TBC1D14: variants seen among roughly 807,000 people sequenced by gnomAD.
TBC1D14 encodes TBC1 domain family member 14.
In TBC1D14, 26 loss-of-function variants were observed where a neutral mutation model predicts 79.0. The observed-to-expected ratio is 0.33, with a 90% CI of 0.24 to 0.46. TBC1D14 has a LOEUF of 0.46. Among genes scored for constraint, TBC1D14 ranks in the 20% least tolerant of loss-of-function variants. TBC1D14 has a pLI of 1.00. For synonymous variants in TBC1D14, 394 were observed against 349.9 expected, an observed-to-expected ratio of 1.13 and a Z score of -1.40; for missense variants, 769 against 887.6, an observed-to-expected ratio of 0.87 and a Z score of 1.70.
rs1051368268 is a variant in TBC1D14, at chr4:6,974,916, G to T, written c.843+7492G>T. On this transcript the variant is annotated intron_variant, in intron 3 of 13. Coordinates refer to ENST00000409757, the MANE Select transcript of TBC1D14 (RefSeq NM_020773.3). ...TTGTTTGTTTGTTTGTTTTTGTTTT[G>T]TTTTGTTTTGTTTGAGATGGAGTCT... Among the ~76,000 whole-genome samples the T allele has an allele frequency of 5.3e-5, 8 of 151,916 alleles. 1 individual carries two copies. Among genetic ancestry groups the T allele is most frequent in the East Asian group, 3.9e-4 (2 of 5,170 alleles).
chr4:6,933,591 A>T (rs1712004690), intron 2 of TBC1D14, among the ~76,000 whole-genome samples: 1 of 151,636 alleles, frequency 6.6e-6, no homozygotes, highest in Non-Finnish European at 1.5e-5. Context: ...AGCCACCATG[A>T]CCCACTGTGC....
At chr4:6,922,763 C>A (rs77982785) in intron 1 of TBC1D14, among the ~76,000 whole-genome samples, 45 of 152,104 alleles carry the variant, frequency 3.0e-4, no homozygotes, top group Non-Finnish European at 4.4e-5. Context: ...CCGCCGCCCC[C>A]CAAGCCCAGT....
In TBC1D14 at chr4:7,032,827, G is replaced by C. The variant is rs1577208144; in HGVS notation, c.*2435G>C. ...TGACTCTCACAGTCTAAGACTTCAG[G>C]GCCGGGACCTTTGTCCAGCCTGCAC... On this transcript the variant is annotated 3_prime_UTR_variant, in exon 14 of 14. Coordinates refer to ENST00000409757, the MANE Select transcript of TBC1D14 (RefSeq NM_020773.3). The C allele has an allele frequency of 6.6e-6, 1 of 152,186 alleles. No individual in the cohort carries two copies. Among genetic ancestry groups the C allele is most frequent in the East Asian group, 1.9e-4 (1 of 5,196 alleles). The allele number at this position is 152,186 out of a possible 1,614,324, so 9.4% of individuals were successfully genotyped here.
At chr4:6,955,792 A>G (rs955261586) in intron 2 of TBC1D14, among the ~76,000 whole-genome samples, 3 of 152,132 alleles carry the variant, frequency 2.0e-5, no homozygotes, top group African/African-American at 7.2e-5. Context: ...AACCTGCTCC[A>G]CCAGGTCAGG....
In TBC1D14 at chr4:6,911,153, G is replaced by A. The variant is rs556710831; in HGVS notation, c.-18+1202G>A. ...CCAACCCATATCTCAGTTTGGGTAT[G>A]GCTTCCCCCCTCCGACCAACCCTCT... On this transcript the variant is annotated intron_variant, in intron 1 of 13. Transcript: ENST00000409757. 3.3e-5 allele frequency among the ~76,000 whole-genome samples: 5 copies of A among 152,210 alleles called. No individual in the cohort carries two copies. In the South Asian group the frequency reaches 1.0e-3, roughly 32 times the overall value.
intron 1 of TBC1D14, among the ~76,000 whole-genome samples, chr4:6,921,142 T>C: frequency 6.6e-6 from 1 of 152,216 alleles, no homozygotes; most frequent in East Asian, 1.9e-4. Flanking sequence ...GGGGCTGTGC[T>C]CTCCGGGCTG....
chr4:7,015,490 G>C (rs545396216), intron 12 of TBC1D14, among the ~76,000 whole-genome samples: 1 of 152,264 alleles, frequency 6.6e-6, no homozygotes, highest in African/African-American at 2.4e-5. Context: ...GGACATGTGA[G>C]TACAGGCATC....
At chr4:6,952,579 C>T (rs542466950) in intron 2 of TBC1D14, among the ~76,000 whole-genome samples, 23 of 152,236 alleles carry the variant, frequency 1.5e-4, no homozygotes, top group Non-Finnish European at 2.4e-4. Context: ...ACAGTGCAGA[C>T]ATCTATGAAA....
At chr4:6,995,517 CT>C (rs35145050) in intron 4 of TBC1D14, 31,830 of 144,732 alleles carry the variant, frequency 0.22, 3,420 homozygotes, top group Middle Eastern at 0.32. Flanking sequence ...TTTTTCCTTT[CT>C]TTTTTTTTTT....
chr4:6,978,681 A>G (rs1436186223), intron 3 of TBC1D14, among the ~76,000 whole-genome samples: 1 of 145,260 alleles, frequency 6.9e-6, no homozygotes, highest in African/African-American at 2.6e-5. Flanking sequence ...TCCCTCCACT[A>G]TTGTCCCGTG....
chr4:6,998,571 C>T (rs1182181096), intron 5 of TBC1D14, among the ~76,000 whole-genome samples: 2 of 148,706 alleles, frequency 1.3e-5, no homozygotes, highest in South Asian at 2.1e-4. Context: ...TGTAGTCTCG[C>T]TCTGTTGCCC....
At chr4:6,958,376 T>TATATACACACACACACACACACAC (rs538972596) in intron 2 of TBC1D14, among the ~76,000 whole-genome samples, 1 of 149,112 alleles carries the variant, frequency 6.7e-6, no homozygotes, top group Non-Finnish European at 1.5e-5. Context: ...TCCCCACATA[T>TATATACACACACACACACACACAC]ACACACACAC....
intron 12 of TBC1D14, among the ~76,000 whole-genome samples, chr4:7,017,878 T>TC (rs1721437281): frequency 6.6e-6 from 1 of 152,242 alleles, no homozygotes. Flanking sequence ...CCGCAGTGAT[T>TC]CAGGCTCCTT....
In TBC1D14 at chr4:6,927,035, G is replaced by A. The variant is rs759305420; in HGVS notation, c.722+2924G>A. Among the ~76,000 whole-genome samples, 26 of 152,202 alleles carry A rather than the reference G, an allele frequency of 1.7e-4. 1 individual carries two copies. The highest frequency in any genetic ancestry group is 6.5e-5 in the Admixed American group (1 of 15,276). ...TGCTCGGAGGGAAGGGTGGAGACGG[G>A]CAGGGATGACCTTGGCTGCTTGATG... is the stretch of plus-strand genomic sequence containing the variant. On this transcript the variant is annotated intron_variant, in intron 2 of 13. Coordinates refer to ENST00000409757, the MANE Select transcript of TBC1D14 (RefSeq NM_020773.3).
chr4:6,996,428 T>A (rs575204749), intron 5 of TBC1D14, 21 bp downstream of exon 5: 1 of 1,584,088 alleles, frequency 6.3e-7, no homozygotes, highest in Non-Finnish European at 8.7e-7. Flanking sequence ...TCACACTTGA[T>A]GGGTTAAATC....
rs1003828232 is a variant in TBC1D14, at chr4:6,963,126, C to G, written c.723-4178C>G. 3.9e-5 allele frequency among the ~76,000 whole-genome samples: 6 copies of G among 152,260 alleles called. No homozygotes were observed. In the East Asian group the frequency reaches 9.6e-4, roughly 24 times the overall value. ...AAGCAGGGGAGCCCAGGCCCGGCAG[C>G]TGGTCCGGGAGGGCTCTGCAGAATG... On this transcript the variant is annotated intron_variant, in intron 2 of 13. Coordinates refer to ENST00000409757, the MANE Select transcript of TBC1D14 (RefSeq NM_020773.3).
chr4:6,952,315 C>T (rs1014510200), intron 2 of TBC1D14, among the ~76,000 whole-genome samples: 6 of 152,210 alleles, frequency 3.9e-5, no homozygotes, highest in Non-Finnish European at 8.8e-5. Context: ...AGTGCCCAGG[C>T]GATGCCGCTG....
chr4:7,004,796 C>G (rs759943355), intron 7 of TBC1D14, 48 bp from the exon 8 acceptor site: 1 of 1,584,866 alleles, frequency 6.3e-7, no homozygotes, highest in South Asian at 1.1e-5. Flanking sequence ...GTGGTTTTGA[C>G]GAAAAATACA....
intron 2 of TBC1D14, among the ~76,000 whole-genome samples, chr4:6,935,115 CAAAG>C (rs1209279078): frequency 6.6e-6 from 1 of 152,064 alleles, no homozygotes; most frequent in Non-Finnish European, 1.5e-5. Flanking sequence ...GAGTAAGTCC[CAAAG>C]AGACTGGGAG....
Sources: gnomAD v4.1 joint callset for allele counts (sites outside exome capture counted in the v4.1 genomes callset) on GRCh38, gnomAD v4.1.1 for gene constraint, MANE v1.5 for transcripts, NCBI Gene and HGNC (gene_info 2026-07-23, HGNC 2026-07-21) for gene names.